ZNF512: variants seen among roughly 807,000 people sequenced by gnomAD.
The protein encoded by ZNF512 is zinc finger protein 512.
A neutral mutation model predicts 77.5 loss-of-function variants in ZNF512; 25 were observed. That is an observed-to-expected ratio of 0.32 (90% CI 0.23 to 0.45). ZNF512 has a LOEUF of 0.45. Among genes scored for constraint, ZNF512 ranks in the 20% least tolerant of loss-of-function variants. ZNF512 has a pLI of 1.00. For missense variants in ZNF512, 483 were observed against 692.6 expected (o/e 0.70, Z 3.40); for synonymous variants, 246 against 239.9 (o/e 1.03, Z -0.24).
intron 2 of ZNF512, among the ~76,000 whole-genome samples, chr2:27,591,938 T>C (rs533646098): frequency 6.6e-6 from 1 of 152,242 alleles, no homozygotes; most frequent in Non-Finnish European, 1.5e-5. Flanking sequence ...GTCACTTTTC[T>C]GAAGCTTTCT....
At chr2:27,620,018 C>G (rs1193584557) in intron 13 of ZNF512, among the ~76,000 whole-genome samples, 1 of 151,910 alleles carries the variant, frequency 6.6e-6, no homozygotes, top group African/African-American at 2.4e-5. Flanking sequence ...CTAAATATTG[C>G]ATTTGTTTGT....
chr2:27,600,758 G>C lies in ZNF512; in HGVS notation c.525G>C (p.Gln175His). 6.2e-7 allele frequency: 1 copy of C among 1,614,098 alleles called. No homozygotes were observed. The highest frequency in any genetic ancestry group is 1.1e-5 in the South Asian group (1 of 91,070). ...DKGSVSCPTC[Q>H]AVGRKTIEGL... ...GCAGTGTCTCCTGCCCTACCTGCCA[G>C]GCAGTGGGGAGGAAGACCATAGAGG... The change falls in exon 6 of 14, where the codon CAG becomes CAC. Residue 175 changes from glutamine (Q) to histidine (H), a missense_variant. By Grantham distance (24) the Gln-to-His change is conservative (BLOSUM62 0). Transcript: ENST00000355467.
intron 2 of ZNF512, 43 bp downstream of exon 2, chr2:27,583,759 G>T (rs1303603437): frequency 1.2e-6 from 2 of 1,604,514 alleles, no homozygotes; most frequent in South Asian, 2.2e-5. Context: ...TGTGTCACCA[G>T]CGCTGACCAG....
At chr2:27,609,938 G>T (rs1672537805) in intron 10 of ZNF512, among the ~76,000 whole-genome samples, 2 of 148,710 alleles carry the variant, frequency 1.3e-5, no homozygotes, top group Admixed American at 1.3e-4. Flanking sequence ...GTACTGGGGA[G>T]GCTGAGGCAG....
intron 13 of ZNF512, among the ~76,000 whole-genome samples, chr2:27,620,223 A>G (rs1167396713): frequency 2.6e-5 from 4 of 152,182 alleles, no homozygotes; most frequent in Non-Finnish European, 5.9e-5. Flanking sequence ...TTTTCATAAC[A>G]AGTCTTTGAG....
chr2:27,617,423 A>G (rs377365612), intron 12 of ZNF512, 50 bp from the exon 13 acceptor site: 26 of 797,738 alleles, frequency 3.3e-5, no homozygotes, highest in Non-Finnish European at 5.3e-5. Context: ...TAGCCCAGTT[A>G]TGTTGCTGAA....
At chr2:27,610,581 T>TATATATATACA (rs1558474954) in intron 10 of ZNF512, among the ~76,000 whole-genome samples, 3 of 51,464 alleles carry the variant, frequency 5.8e-5, no homozygotes, top group African/African-American at 2.9e-4. Context: ...TTTTTTTTTT[T>TATATATATACA]TTTTTTTTTT....
intron 2 of ZNF512, among the ~76,000 whole-genome samples, chr2:27,587,406 A>G (rs1311810946): frequency 6.6e-6 from 1 of 150,864 alleles, no homozygotes; most frequent in Non-Finnish European, 1.5e-5. Flanking sequence ...CCTCCTGAGT[A>G]GCTGGGATTA....
In ZNF512 at chr2:27,604,659, TA is replaced by T. The variant is rs1276291271; in HGVS notation, c.936+1353del. Among the ~76,000 whole-genome samples the T allele has an allele frequency of 2.6e-5, 4 of 152,162 alleles. No homozygotes were observed. The South Asian group carries it at 8.3e-4, about 32-fold the overall frequency. On this transcript the variant is annotated intron_variant, in intron 9 of 13. Coordinates refer to ENST00000355467, the MANE Select transcript of ZNF512 (RefSeq NM_032434.4). ...AGCCAGGCATGGTGGTGTACACCTG[TA>T]GTCCCAAGTACTTGGGAAACTGAGG...
At chr2:27,607,593 C>T (rs1672429709) in intron 9 of ZNF512, among the ~76,000 whole-genome samples, 1 of 152,156 alleles carries the variant, frequency 6.6e-6, no homozygotes, top group East Asian at 1.9e-4. Flanking sequence ...GTCTCCAACT[C>T]CTGACCTCAG....
At chr2:27,587,283 T>C (rs932732046) in intron 2 of ZNF512, among the ~76,000 whole-genome samples, 7 of 131,532 alleles carry the variant, frequency 5.3e-5, no homozygotes, top group South Asian at 2.6e-4. Flanking sequence ...TTTTTTTTTT[T>C]TTTCTTTTTT....
chr2:27,620,713 G>A (rs1180689309), intron 13 of ZNF512, among the ~76,000 whole-genome samples: 1 of 152,066 alleles, frequency 6.6e-6, no homozygotes, highest in Non-Finnish European at 1.5e-5. Context: ...AGTGAGCCTC[G>A]AAAATGTTAA....
At chr2:27,609,784 G>A (rs561797780) in intron 10 of ZNF512, among the ~76,000 whole-genome samples, 14 of 151,972 alleles carry the variant, frequency 9.2e-5, no homozygotes, top group Admixed American at 3.3e-4. Context: ...CAGAAGAATC[G>A]CTTGAACCTG....
At chr2:27,617,040 C>G (rs575072318) in intron 12 of ZNF512, 1 of 175,450 alleles carries the variant, frequency 5.7e-6, no homozygotes, top group South Asian at 1.3e-4. Flanking sequence ...ACGGATGGTA[C>G]TCTTCTAATT....
chr2:27,585,623 CA>C (rs1671289554), intron 2 of ZNF512, among the ~76,000 whole-genome samples: 1 of 152,268 alleles, frequency 6.6e-6, no homozygotes, highest in Admixed American at 6.5e-5. Context: ...AATAAGTTTA[CA>C]AAGGATACCG....
chr2:27,614,653 G>A (rs1672805137), intron 10 of ZNF512, among the ~76,000 whole-genome samples: 2 of 149,620 alleles, frequency 1.3e-5, no homozygotes, highest in African/African-American at 4.9e-5. Flanking sequence ...ACTCCAGCCT[G>A]GGCGACAGAG....
At chr2:27,596,892 A>G (rs1057423431) in intron 2 of ZNF512, among the ~76,000 whole-genome samples, 1 of 152,242 alleles carries the variant, frequency 6.6e-6, no homozygotes, top group Admixed American at 6.5e-5. Context: ...TTGCACTTAA[A>G]TATTTATGAC....
At chr2:27,607,314 G>A (rs1369959841) in intron 9 of ZNF512, among the ~76,000 whole-genome samples, 1 of 151,458 alleles carries the variant, frequency 6.6e-6, no homozygotes, top group East Asian at 1.9e-4. Context: ...ATAGTGTGAG[G>A]GATGGGTTAA....
chr2:27,599,916 T>G, intron 4 of ZNF512, 54 bp from the exon 5 acceptor site: 1 of 1,590,726 alleles, frequency 6.3e-7, no homozygotes, highest in Non-Finnish European at 8.6e-7. Flanking sequence ...AGGGAAGAGA[T>G]TTTGGTATTA....
Sources: gnomAD v4.1 joint callset for allele counts (sites outside exome capture counted in the v4.1 genomes callset) on GRCh38, gnomAD v4.1.1 for gene constraint, MANE v1.5 for transcripts, NCBI Gene and HGNC (gene_info 2026-07-23, HGNC 2026-07-21) for gene names.